NRXN3: variants seen among roughly 807,000 people sequenced by gnomAD.
NRXN3 encodes the protein neurexin 3.
In NRXN3, 32 loss-of-function variants were observed where a neutral mutation model predicts 137.6. The ratio of observed to expected loss-of-function variants is 0.23; its 90% CI spans 0.18 to 0.31. The LOEUF is 0.31. Among genes scored for constraint, NRXN3 ranks in the 10% least tolerant of loss-of-function variants. The probability of loss-of-function intolerance (pLI) is 1.00; values close to 1 mark genes in which losing one functional copy is unlikely to be tolerated. For synonymous variants in NRXN3, 798 were observed against 784.5 expected, an observed-to-expected ratio of 1.02 and a Z score of -0.29; for missense variants, 1,574 against 2,062.5, an observed-to-expected ratio of 0.76 and a Z score of 4.59.
In NRXN3 at chr14:79,124,730, A is replaced by G. The variant is rs548141077; in HGVS notation, c.3262+136589A>G. 5.6e-4 allele frequency among the ~76,000 whole-genome samples: 86 copies of G among 152,332 alleles called. 1 individual carries two copies. The South Asian group carries it at 0.018, about 31-fold the overall frequency. ...TCTGGAGGGAAATTTCCAAGGAGAA[A>G]TATAAGTAATACCTGGAACATGACT... On this transcript the variant is annotated intron_variant, in intron 15 of 20. Transcript: ENST00000335750.
chr14:78,380,625 G>A (rs2088902891), intron 4 of NRXN3, among the ~76,000 whole-genome samples: 1 of 152,176 alleles, frequency 6.6e-6, no homozygotes, highest in African/African-American at 2.4e-5. Context: ...AAAACCTCCA[G>A]AGGGAGTGCA....
chr14:79,133,760 C>T (rs1187076683), intron 15 of NRXN3, among the ~76,000 whole-genome samples: 1 of 151,468 alleles, frequency 6.6e-6, no homozygotes, highest in East Asian at 1.9e-4. Flanking sequence ...CCTGTCTCTA[C>T]TAAAAATACA....
intron 1 of NRXN3, among the ~76,000 whole-genome samples, chr14:78,222,727 G>C (rs2063995586): frequency 1.3e-5 from 2 of 150,992 alleles, no homozygotes; most frequent in African/African-American, 4.9e-5. Flanking sequence ...CTACAAGAAA[G>C]GTGGATGAGG....
At chr14:79,852,234 A>AACGCACGC (rs1491346009) in intron 20 of NRXN3, among the ~76,000 whole-genome samples, 1 of 128,184 alleles carries the variant, frequency 7.8e-6, no homozygotes, top group Non-Finnish European at 1.6e-5. Context: ...TTCAACTCCC[A>AACGCACGC]ACACACACAC....
intron 15 of NRXN3, among the ~76,000 whole-genome samples, chr14:79,177,366 A>C (rs759351279): frequency 3.3e-5 from 5 of 152,318 alleles, no homozygotes; most frequent in African/African-American, 1.2e-4. Flanking sequence ...TGAAATGAAA[A>C]TGCTTTAAAA....
chr14:78,961,520 T>C (rs959040902), intron 11 of NRXN3, among the ~76,000 whole-genome samples: 13 of 152,292 alleles, frequency 8.5e-5, no homozygotes, highest in African/African-American at 3.1e-4. Context: ...ACAACATGAT[T>C]CAATCATTTC....
chr14:79,499,577 G>C (rs1047375920), intron 16 of NRXN3, among the ~76,000 whole-genome samples: 6 of 152,174 alleles, frequency 3.9e-5, no homozygotes, highest in African/African-American at 1.4e-4. Flanking sequence ...GAATGTGACT[G>C]TTTAAATCAC....
At chr14:78,317,258 C>A (rs2078813411) in intron 4 of NRXN3, among the ~76,000 whole-genome samples, 1 of 152,140 alleles carries the variant, frequency 6.6e-6, no homozygotes. Flanking sequence ...AGTCTCCAAC[C>A]CCCAGGCTGT....
At chr14:78,644,999 C>A in intron 4 of NRXN3, 121 bp from the exon 5 acceptor site, 1 of 787,254 alleles carries the variant, frequency 1.3e-6, no homozygotes, top group Non-Finnish European at 1.9e-6. Context: ...GAAGGGAGTG[C>A]TGTGTTGGTA....
At chr14:79,757,048 A>G (rs2099022018) in intron 19 of NRXN3, among the ~76,000 whole-genome samples, 1 of 152,108 alleles carries the variant, frequency 6.6e-6, no homozygotes, top group Admixed American at 6.6e-5. Flanking sequence ...TCTGAGGTCT[A>G]GCTTCACCTT....
intron 10 of NRXN3, among the ~76,000 whole-genome samples, chr14:78,885,733 A>G (rs1057417167): frequency 1.1e-4 from 16 of 152,244 alleles, no homozygotes; most frequent in African/African-American, 3.1e-4. Flanking sequence ...AACAGAAGAT[A>G]TATCTTAGGC....
chr14:78,219,609 A>G (rs1053808840), intron 1 of NRXN3, among the ~76,000 whole-genome samples: 1 of 152,224 alleles, frequency 6.6e-6, no homozygotes, highest in Non-Finnish European at 1.5e-5. Flanking sequence ...GGAAGTAATA[A>G]TACATCAGTG....
At chr14:79,397,902 T>C (rs1473433688) in intron 15 of NRXN3, among the ~76,000 whole-genome samples, 2 of 152,214 alleles carry the variant, frequency 1.3e-5, no homozygotes, top group African/African-American at 2.4e-5. Context: ...AAATGAAGTG[T>C]TCAGACATTT....
At chr14:78,280,171 A>G (rs1298029259) in intron 3 of NRXN3, among the ~76,000 whole-genome samples, 1 of 152,218 alleles carries the variant, frequency 6.6e-6, no homozygotes, top group Non-Finnish European at 1.5e-5. Context: ...AAAACAGAAG[A>G]CATTCAGTGC....
intron 16 of NRXN3, among the ~76,000 whole-genome samples, chr14:79,553,040 T>C (rs185597318): frequency 6.6e-6 from 1 of 152,098 alleles, no homozygotes; most frequent in Non-Finnish European, 1.5e-5. Flanking sequence ...TCCCTACACT[T>C]AGGAAAGGAA....
chr14:78,963,326 T>G (rs182808589), intron 11 of NRXN3, among the ~76,000 whole-genome samples: 1 of 152,318 alleles, frequency 6.6e-6, no homozygotes, highest in African/African-American at 2.4e-5. Flanking sequence ...TCACCAGAGA[T>G]TCCCCATTCT....
chr14:79,186,570 C>T (rs2063568687), intron 15 of NRXN3, among the ~76,000 whole-genome samples: 1 of 152,114 alleles, frequency 6.6e-6, no homozygotes, highest in East Asian at 1.9e-4. Context: ...ATCAAGTCTC[C>T]AAAATTTCTC....
At chr14:79,667,102 C>A (rs1216351626) in intron 17 of NRXN3, among the ~76,000 whole-genome samples, 1 of 152,040 alleles carries the variant, frequency 6.6e-6, no homozygotes, top group African/African-American at 2.4e-5. Flanking sequence ...TGAGAAAAAT[C>A]TGGCAATGTT....
chr14:78,681,977 C>T (rs1055942310), intron 6 of NRXN3, among the ~76,000 whole-genome samples: 8 of 152,090 alleles, frequency 5.3e-5, no homozygotes, highest in African/African-American at 1.7e-4. Context: ...AAGCAATTCT[C>T]CTGCCTCAGC....
Sources: allele counts gnomAD v4.1 joint callset (sites outside exome capture counted in the v4.1 genomes callset), GRCh38; gene constraint gnomAD v4.1.1; transcripts MANE v1.5; gene names NCBI Gene and HGNC (gene_info 2026-07-23, HGNC 2026-07-21).